NXPE4: variants seen among roughly 807,000 people sequenced by gnomAD.
NXPE4 encodes the protein NXPE family member 4.
NXPE4 carries 42 observed loss-of-function variants against 33.3 expected under a neutral mutation model. The ratio of observed to expected loss-of-function variants is 1.26; its 90% CI spans 0.98 to 1.63. NXPE4 has a LOEUF of 1.63. Among genes scored for constraint, NXPE4 ranks in the 40% most tolerant of loss-of-function variants. The pLI, the probability that NXPE4 is intolerant of heterozygous loss-of-function variation, is 0.00. For missense variants in NXPE4, 709 were observed against 647.6 expected, an observed-to-expected ratio of 1.09 and a Z score of -1.03; for synonymous variants, 253 against 234.9, an observed-to-expected ratio of 1.08 and a Z score of -0.71.
At chr11:114,600,019 T>G (rs773421077), upstream of NXPE4, among the ~76,000 whole-genome samples, 3 of 152,086 alleles carry the variant, frequency 2.0e-5, no homozygotes, top group African/African-American at 4.8e-5. Context: ...GAATTCCAAC[T>G]AACAAATATG....
At chr11:114,614,509 A>G in the NXPE4 span, among the ~76,000 whole-genome samples, 2 of 151,896 alleles carry the variant, frequency 1.3e-5, no homozygotes, top group South Asian at 4.1e-4. Context: ...GGTGGATAAT[A>G]AATGTTGCCT....
At chr11:114,593,227 A>G (rs555638226) in intron 2 of NXPE4, among the ~76,000 whole-genome samples, 3 of 152,296 alleles carry the variant, frequency 2.0e-5, no homozygotes, top group East Asian at 1.9e-4. Flanking sequence ...CAATCAAGTG[A>G]GTGAAGAGTT....
chr11:114,610,172 T>C, the NXPE4 span, among the ~76,000 whole-genome samples: 1 of 151,898 alleles, frequency 6.6e-6, no homozygotes, highest in Non-Finnish European at 1.5e-5. Flanking sequence ...TGTTACCTGG[T>C]GGATAATAAG....
the NXPE4 span, among the ~76,000 whole-genome samples, chr11:114,639,946 A>T: frequency 9.0e-6 from 1 of 110,690 alleles, no homozygotes; most frequent in South Asian, 2.8e-4. Context: ...TAAATATAAC[A>T]TAATAGTTTG....
chr11:114,652,314 C>G, the NXPE4 span, among the ~76,000 whole-genome samples: 1 of 152,148 alleles, frequency 6.6e-6, no homozygotes, highest in South Asian at 2.1e-4. Flanking sequence ...TCCTTCCTAC[C>G]CCTTTGGAAA....
intron 5 of NXPE4, among the ~76,000 whole-genome samples, chr11:114,575,814 TACC>T (rs1948983213): frequency 6.6e-6 from 1 of 152,108 alleles, no homozygotes; most frequent in African/African-American, 2.4e-5. Flanking sequence ...TTCTTCAAAA[TACC>T]ACCATCATTC....
chr11:114,649,181 G>A, the NXPE4 span, among the ~76,000 whole-genome samples: 1 of 151,346 alleles, frequency 6.6e-6, no homozygotes, highest in Non-Finnish European at 1.5e-5. Flanking sequence ...CTTTTGAAGG[G>A]TCTGGACCAT....
chr11:114,630,395 G>C, the NXPE4 span, among the ~76,000 whole-genome samples: 4 of 151,650 alleles, frequency 2.6e-5, 1 homozygote, highest in South Asian at 4.1e-4. Context: ...TGATCTTTGA[G>C]AAACCTGAGA....
At chr11:114,647,290 T>G in the NXPE4 span, among the ~76,000 whole-genome samples, 2 of 152,208 alleles carry the variant, frequency 1.3e-5, no homozygotes, top group African/African-American at 4.8e-5. Context: ...AATTTTCTTT[T>G]ATTGTACTGT....
At chr11:114,620,865 G>C in the NXPE4 span, among the ~76,000 whole-genome samples, 6 of 152,024 alleles carry the variant, frequency 3.9e-5, no homozygotes, top group African/African-American at 1.4e-4. Flanking sequence ...ACTGTTACCC[G>C]ATGGATAATA....
the NXPE4 span, among the ~76,000 whole-genome samples, chr11:114,631,334 T>C: frequency 6.6e-6 from 1 of 151,910 alleles, no homozygotes; most frequent in African/African-American, 2.4e-5. Context: ...CATGGAATAC[T>C]ATGCAGCCAT....
In NXPE4 at chr11:114,594,602, A is replaced by T. The variant is rs1413177112; in HGVS notation, c.96+62T>A. 2.8e-6 allele frequency: 3 copies of T among 1,059,834 alleles called. No individual in the cohort carries two copies. The African/African-American group carries it at 4.8e-5, about 17-fold the overall frequency. 65.7% of individuals were successfully genotyped at this position (1,059,834 alleles called of 1,614,324 possible). A position where few individuals can be genotyped will look rare whatever the true frequency, so the allele number is the denominator to read the frequency against. The stretch of plus-strand genomic sequence containing the variant: ...AGTCTTGTAGTTTAGCCTTTCCTAG[A>T]ACAGATGAGGTAATAAGCAAAAATA... On this transcript the variant is annotated intron_variant, in intron 2 of 5. Transcript: ENST00000375478.
At chr11:114,606,677 A>G in the NXPE4 span, among the ~76,000 whole-genome samples, 3 of 151,612 alleles carry the variant, frequency 2.0e-5, no homozygotes, top group Non-Finnish European at 4.4e-5. Flanking sequence ...GTATTGCATC[A>G]TGGGTCACCA....
the NXPE4 span, among the ~76,000 whole-genome samples, chr11:114,616,780 C>T: frequency 1.3e-5 from 2 of 150,946 alleles, no homozygotes; most frequent in African/African-American, 2.5e-5. Flanking sequence ...TGCCTCTTGG[C>T]TTACCACTGT....
At chr11:114,648,541 A>T in the NXPE4 span, among the ~76,000 whole-genome samples, 64 of 152,320 alleles carry the variant, frequency 4.2e-4, no homozygotes, top group African/African-American at 1.5e-3. Flanking sequence ...AAACACTCTT[A>T]TAGAAACACC....
rs1949103121 is a variant in NXPE4, at chr11:114,580,157, C to T, written c.1074G>A (p.Met358Ile). ...TGTTGATACTGGCTTTGAAGTATTCCATCCACTGGCGGATCGTGGAATCTC... is the reference window on the plus strand; with the variant it reads ...TGTTGATACTGGCTTTGAAGTATTCTATCCACTGGCGGATCGTGGAATCTC... Reference protein sequence around the residue: ...LMGDSTIRQWMEYFKASINTL... With the variant: ...LMGDSTIRQWIEYFKASINTL... Residue 358 changes from methionine to isoleucine, a missense_variant, in exon 5 of 6, where the codon ATG (methionine) becomes ATA (isoleucine). Physicochemically the swap from Met to Ile is conservative, Grantham distance 10. Coordinates refer to ENST00000375478, the MANE Select transcript of NXPE4 (RefSeq NM_001077639.2). The T allele has an allele frequency of 5.6e-6, 9 of 1,613,880 alleles. No homozygotes were observed. The highest frequency in any genetic ancestry group is 1.7e-5 in the Admixed American group (1 of 60,018).
chr11:114,582,200 A>T, intron 3 of NXPE4, 88 bp downstream of exon 3: 1 of 1,400,674 alleles, frequency 7.1e-7, no homozygotes, highest in Non-Finnish European at 9.6e-7. Flanking sequence ...ACCCAAAATT[A>T]ATACACTCAC....
chr11:114,580,141 T>C lies in NXPE4; in HGVS notation c.1090A>G (p.Ser364Gly), dbSNP rs750805776. 6.2e-7 allele frequency: 1 copy of C among 1,613,356 alleles called. No homozygotes were observed. The highest frequency in any genetic ancestry group is 1.7e-5 in the Admixed American group (1 of 60,022). The part of the protein sequence containing the change: ...IRQWMEYFKA[S>G]INTLKSVDLH... ...TTAGACTGAGGCATACTGTTGATAC[T>C]GGCTTTGAAGTATTCCATCCACTGG... Residue 364 changes from serine (S) to glycine (G), a missense_variant, in exon 5 of 6, where the codon AGT (serine) becomes GGT (glycine). Ser to Gly is a moderately conservative substitution (Grantham distance 56, BLOSUM62 0). Transcript: ENST00000375478.
chr11:114,587,810 G>A (rs912585619), intron 2 of NXPE4, among the ~76,000 whole-genome samples: 7 of 152,306 alleles, frequency 4.6e-5, no homozygotes, highest in Non-Finnish European at 7.4e-5. Flanking sequence ...CCTCTGGAGT[G>A]CTTTCTGAAG....
Sources: allele counts gnomAD v4.1 joint callset (sites outside exome capture counted in the v4.1 genomes callset), GRCh38; gene constraint gnomAD v4.1.1; transcripts MANE v1.5; gene names NCBI Gene and HGNC (gene_info 2026-07-23, HGNC 2026-07-21).